The following LYPLAL1 variants were observed in gnomAD, a reference collection of about 807,000 sequenced individuals.
LYPLAL1 encodes the protein lysophospholipase-like protein 1.
In LYPLAL1, 23 loss-of-function variants were observed where a neutral mutation model predicts 19.7. The ratio of observed to expected loss-of-function variants is 1.17; its 90% confidence interval spans 0.84 to 1.65. The LOEUF is 1.65. Ranked by LOEUF, LYPLAL1 falls within the 40% of genes most tolerant of loss-of-function variation. The pLI is 0.00. For missense variants in LYPLAL1, 355 were observed against 279.4 expected, an observed-to-expected ratio of 1.27 and a Z score of -1.93; for synonymous variants, 119 against 96.3, an observed-to-expected ratio of 1.24 and a Z score of -1.38.
the LYPLAL1 span, among the ~76,000 whole-genome samples, chr1:219,221,045 G>A: frequency 6.6e-6 from 1 of 152,186 alleles, no homozygotes; most frequent in Non-Finnish European, 1.5e-5. Context: ...CTCATTGCAA[G>A]ACAACCAGGT....
At chr1:219,411,083 C>T in the LYPLAL1 span, among the ~76,000 whole-genome samples, 3 of 152,244 alleles carry the variant, frequency 2.0e-5, no homozygotes, top group South Asian at 6.2e-4. Context: ...AGCCCCGGTG[C>T]CGGATCCACT....
chr1:219,233,711 A>G, the LYPLAL1 span, among the ~76,000 whole-genome samples: 1 of 151,868 alleles, frequency 6.6e-6, no homozygotes, highest in Non-Finnish European at 1.5e-5. Context: ...TCGAGGCTGC[A>G]GTGAGCTTGT....
the LYPLAL1 span, among the ~76,000 whole-genome samples, chr1:219,290,623 C>A: frequency 2.0e-5 from 3 of 152,146 alleles, no homozygotes; most frequent in Non-Finnish European, 4.4e-5. Context: ...AGAGTGGGAG[C>A]ATTCCTCCTC....
the LYPLAL1 span, among the ~76,000 whole-genome samples, chr1:219,393,885 G>T: frequency 6.6e-6 from 1 of 151,438 alleles, no homozygotes; most frequent in Admixed American, 6.6e-5. Context: ...AGATATTTGG[G>T]TTTGCTAGTA....
At position 219,212,450 on chromosome 1, in the gene LYPLAL1, A is replaced by G. The variant is rs554688456; in HGVS notation, c.*722A>G. On this transcript the variant is annotated 3_prime_UTR_variant, in exon 5 of 5. Transcript: ENST00000366928. ...AGCCAATACATAATAAACACTCAAT[A>G]AAGATTAACCATAAGGAGAGTCATG... 6.6e-5 allele frequency: 10 copies of G among 152,042 alleles called. No homozygotes were observed. Among genetic ancestry groups the G allele is most frequent in the Non-Finnish European group, 1.2e-4 (8 of 67,942 alleles). The allele number at this position is 152,042 out of a possible 1,614,324, so 9.4% of individuals were successfully genotyped here.
the LYPLAL1 span, among the ~76,000 whole-genome samples, chr1:219,218,485 A>T: frequency 5.5e-5 from 8 of 146,394 alleles, no homozygotes; most frequent in Non-Finnish European, 1.0e-4. Flanking sequence ...CTTTCTTAAA[A>T]CATCGAGACT....
chr1:219,264,033 A>G, the LYPLAL1 span, among the ~76,000 whole-genome samples: 1 of 152,190 alleles, frequency 6.6e-6, no homozygotes, highest in Non-Finnish European at 1.5e-5. Flanking sequence ...GGAGCTGCCC[A>G]TTAGTCCTGT....
the LYPLAL1 span, among the ~76,000 whole-genome samples, chr1:219,223,570 T>G: frequency 2.0e-5 from 3 of 152,296 alleles, no homozygotes; most frequent in Non-Finnish European, 4.4e-5. Flanking sequence ...AGGCCTTTAG[T>G]TTTCTATTTG....
chr1:219,376,761 G>C, the LYPLAL1 span, among the ~76,000 whole-genome samples: 2 of 152,278 alleles, frequency 1.3e-5, no homozygotes, highest in African/African-American at 4.8e-5. Context: ...ACCACAATGA[G>C]ATATCACTTC....
the LYPLAL1 span, among the ~76,000 whole-genome samples, chr1:219,295,182 C>T: frequency 6.6e-6 from 1 of 152,284 alleles, no homozygotes; most frequent in East Asian, 1.9e-4. Flanking sequence ...ATGCCCTTAT[C>T]ATCACTGCTA....
At chr1:219,393,501 T>C in the LYPLAL1 span, among the ~76,000 whole-genome samples, 1 of 152,166 alleles carries the variant, frequency 6.6e-6, no homozygotes, top group Non-Finnish European at 1.5e-5. Flanking sequence ...GGAGGATACC[T>C]GTGTCCAGTA....
the LYPLAL1 span, among the ~76,000 whole-genome samples, chr1:219,369,899 T>G: frequency 3.9e-5 from 6 of 152,230 alleles, no homozygotes; most frequent in Admixed American, 3.3e-4. Context: ...GGTAGGATAA[T>G]GCTGTGCAAA....
chr1:219,209,597 A>T (rs954007401), intron 3 of LYPLAL1, among the ~76,000 whole-genome samples: 1 of 152,142 alleles, frequency 6.6e-6, no homozygotes, highest in Non-Finnish European at 1.5e-5. Context: ...TTTGAATTCT[A>T]CTTCAAAGTA....
the LYPLAL1 span, among the ~76,000 whole-genome samples, chr1:219,255,701 A>G: frequency 6.6e-6 from 1 of 151,966 alleles, no homozygotes; most frequent in African/African-American, 2.4e-5. Flanking sequence ...CTTTTAATAA[A>G]TCACCATTAA....
chr1:219,410,286 A>G, the LYPLAL1 span: 1 of 152,238 alleles, frequency 6.6e-6, no homozygotes, highest in East Asian at 1.9e-4. Context: ...GAAAAAACAA[A>G]TTCGATAAGA....
At chr1:219,301,480 G>T in the LYPLAL1 span, among the ~76,000 whole-genome samples, 1 of 152,082 alleles carries the variant, frequency 6.6e-6, no homozygotes, top group Non-Finnish European at 1.5e-5. Flanking sequence ...AAAAATGTAA[G>T]TTTATTTGCA....
the LYPLAL1 span, among the ~76,000 whole-genome samples, chr1:219,244,264 G>T: frequency 2.8e-4 from 43 of 152,262 alleles, no homozygotes; most frequent in African/African-American, 1.0e-3. Flanking sequence ...GAAATATAAA[G>T]AAAGGCACAG....
At chr1:219,224,142 CT>C in the LYPLAL1 span, among the ~76,000 whole-genome samples, 1 of 152,074 alleles carries the variant, frequency 6.6e-6, no homozygotes, top group Non-Finnish European at 1.5e-5. Flanking sequence ...AGACAGAAGT[CT>C]TTCCTTTGGG....
chr1:219,317,955 G>A, the LYPLAL1 span, among the ~76,000 whole-genome samples: 1 of 152,090 alleles, frequency 6.6e-6, no homozygotes, highest in Non-Finnish European at 1.5e-5. Flanking sequence ...GTCACCAAGC[G>A]GCAGCAAGAA....
Sources: allele counts gnomAD v4.1 joint callset (sites outside exome capture counted in the v4.1 genomes callset), GRCh38; gene constraint gnomAD v4.1.1; transcripts MANE v1.5; gene names NCBI Gene and HGNC (gene_info 2026-07-23, HGNC 2026-07-21).